The following ZBTB8A variants were observed in gnomAD, a reference collection of about 807,000 sequenced individuals.
ZBTB8A encodes the protein zinc finger and BTB domain containing 8A, also known as zinc finger and BTB domain-containing protein 8A.
In ZBTB8A, 19 loss-of-function variants were observed where a neutral mutation model predicts 37.8. The observed-to-expected ratio is 0.50, with a 90% CI of 0.35 to 0.74. The LOEUF is 0.74. ZBTB8A is among the 30% of genes least tolerant of loss of function. The pLI is 0.01. For synonymous variants in ZBTB8A, 181 were observed against 185.2 expected, an observed-to-expected ratio of 0.98 and a Z score of 0.19; for missense variants, 394 against 537.8, an observed-to-expected ratio of 0.73 and a Z score of 2.65.
Position 32,539,538 on chromosome 1 carries a change from C to G in ZBTB8A, c.-118C>G, listed in dbSNP as rs1208684592. On this transcript the variant is annotated 5_prime_UTR_variant, in exon 1 of 5. Coordinates refer to ENST00000373510, the MANE Select transcript of ZBTB8A (RefSeq NM_001040441.3). Reference sequence around the variant, plus strand: ...GAGAACCAGGAATCTTCCCTCGGCCCGCGCGCGCGACCGGCCGGTGCGCCG... The same window carrying G: ...GAGAACCAGGAATCTTCCCTCGGCCGGCGCGCGCGACCGGCCGGTGCGCCG... 6.6e-6 allele frequency: 1 copy of G among 150,870 alleles called. No homozygotes were observed. Among genetic ancestry groups the G allele is most frequent in the Non-Finnish European group, 1.5e-5 (1 of 67,566 alleles). 9.3% of individuals were successfully genotyped at this position (150,870 alleles called of 1,614,324 possible). A position where few individuals can be genotyped will look rare whatever the true frequency, so the allele number is the denominator to read the frequency against.
At position 32,539,486 on chromosome 1, in the gene ZBTB8A, GCCTCGAAAGGGGGT is replaced by G. The variant is rs1644029565; in HGVS notation, c.-166_-153del. The G allele has an allele frequency of 6.6e-6, 1 of 152,364 alleles. No individual in the cohort carries two copies. The highest frequency in any genetic ancestry group is 2.4e-5 in the African/African-American group (1 of 41,424). 9.4% of individuals were successfully genotyped at this position (152,364 alleles called of 1,614,324 possible). On this transcript the variant is annotated 5_prime_UTR_variant, in exon 1 of 5. Coordinates refer to ENST00000373510, the MANE Select transcript of ZBTB8A (RefSeq NM_001040441.3). Reference sequence around the variant, plus strand: ...ACTTGTTTTAGGGCGCAAAGGAACGGCCTCGAAAGGGGGTCCTTCCCCAGCCGAGAACCAGGAAT... The same window carrying G: ...ACTTGTTTTAGGGCGCAAAGGAACGGCCTTCCCCAGCCGAGAACCAGGAAT...
intron 1 of ZBTB8A, among the ~76,000 whole-genome samples, chr1:32,549,648 T>A (rs1260921693): frequency 1.3e-5 from 2 of 152,176 alleles, no homozygotes; most frequent in East Asian, 3.9e-4. Flanking sequence ...AGGATCCCCT[T>A]GAGCCTAGGA....
At chr1:32,594,208 AG>A (rs1461307130) in intron 3 of ZBTB8A, among the ~76,000 whole-genome samples, 1 of 151,198 alleles carries the variant, frequency 6.6e-6, no homozygotes, top group Admixed American at 6.6e-5. Flanking sequence ...AAACAAAAAA[AG>A]AAGAAATTCA....
At chr1:32,552,134 T>TG (rs1192317446) in intron 1 of ZBTB8A, among the ~76,000 whole-genome samples, 1 of 151,944 alleles carries the variant, frequency 6.6e-6, no homozygotes, top group Admixed American at 6.6e-5. Context: ...GAGGCCGAAG[T>TG]GGGGGGATCG....
chr1:32,562,079 A>G (rs1157262520), intron 2 of ZBTB8A, among the ~76,000 whole-genome samples: 1 of 150,418 alleles, frequency 6.6e-6, no homozygotes, highest in Non-Finnish European at 1.5e-5. Flanking sequence ...CCTCCAAACT[A>G]TAGGAGGCCA....
chr1:32,592,491 T>G (rs1282373629), intron 2 of ZBTB8A, among the ~76,000 whole-genome samples: 2 of 151,558 alleles, frequency 1.3e-5, no homozygotes, highest in African/African-American at 4.8e-5. Flanking sequence ...AGTGAGCTTT[T>G]TTTGTTTGTT....
At chr1:32,550,991 G>A (rs563317913) in intron 1 of ZBTB8A, among the ~76,000 whole-genome samples, 12 of 150,144 alleles carry the variant, frequency 8.0e-5, no homozygotes, top group African/African-American at 1.7e-4. Context: ...AATTACCACC[G>A]TACACACCCA....
chr1:32,565,942 C>T (rs1029687010), intron 2 of ZBTB8A, among the ~76,000 whole-genome samples: 1 of 152,110 alleles, frequency 6.6e-6, no homozygotes, highest in Non-Finnish European at 1.5e-5. Context: ...TGGCTCACGC[C>T]TGTAATCTCA....
intron 2 of ZBTB8A, among the ~76,000 whole-genome samples, chr1:32,555,705 T>C (rs1644196162): frequency 6.6e-6 from 1 of 152,158 alleles, no homozygotes; most frequent in Admixed American, 6.6e-5. Flanking sequence ...CAGATTCTCT[T>C]ACTCCTCTAT....
chr1:32,578,509 G>A (rs868070400), intron 2 of ZBTB8A, among the ~76,000 whole-genome samples: 1 of 151,802 alleles, frequency 6.6e-6, no homozygotes, highest in African/African-American at 2.4e-5. Flanking sequence ...CACCAGGCCC[G>A]GCCCTAATTT....
chr1:32,553,319 C>CA (rs1165312327), intron 1 of ZBTB8A, 140 bp from the exon 2 acceptor site: 1 of 152,208 alleles, frequency 6.6e-6, no homozygotes, highest in Non-Finnish European at 1.5e-5. Context: ...GTTGGCCTCC[C>CA]AGAGTGTTGG....
At chr1:32,583,640 A>G (rs1308379058) in intron 2 of ZBTB8A, among the ~76,000 whole-genome samples, 2 of 152,024 alleles carry the variant, frequency 1.3e-5, no homozygotes, top group Non-Finnish European at 2.9e-5. Flanking sequence ...GCCATTGAAG[A>G]TGTAATTAAA....
chr1:32,557,712 C>A (rs956812514), intron 2 of ZBTB8A, among the ~76,000 whole-genome samples: 1 of 152,134 alleles, frequency 6.6e-6, no homozygotes, highest in East Asian at 1.9e-4. Flanking sequence ...CATCTACCTG[C>A]TTCAGCCTCC....
intron 1 of ZBTB8A, among the ~76,000 whole-genome samples, chr1:32,547,859 C>G (rs1644119236): frequency 7.2e-6 from 1 of 139,492 alleles, no homozygotes; most frequent in African/African-American, 2.7e-5. Flanking sequence ...AAAGACCAGG[C>G]GCAGTGGCTC....
rs1644480277 is a variant in ZBTB8A at position 32,590,498 on chromosome 1, G to A, written c.-1-2433G>A. ...TCTAATAGATCAGAGTTTGGTACTG[G>A]TAAGGACCTAGTCCCTTAGCCATTA... On this transcript the variant is annotated intron_variant, in intron 2 of 4. Transcript: ENST00000373510. Among the ~76,000 whole-genome samples, 3 of 152,276 alleles carry A rather than the reference G, an allele frequency of 2.0e-5. No homozygotes were observed. In the South Asian group the frequency reaches 6.2e-4, roughly 32 times the overall value.
At chr1:32,558,076 AC>A (rs1415500434) in intron 2 of ZBTB8A, among the ~76,000 whole-genome samples, 5 of 152,172 alleles carry the variant, frequency 3.3e-5, no homozygotes, top group South Asian at 2.1e-4. Context: ...TATCACATAC[AC>A]ATATATAACA....
intron 2 of ZBTB8A, among the ~76,000 whole-genome samples, chr1:32,591,253 C>T (rs1033406951): frequency 2.6e-5 from 4 of 151,666 alleles, no homozygotes; most frequent in Non-Finnish European, 4.4e-5. Flanking sequence ...GTGGCCCAGA[C>T]TGGAGTACAG....
chr1:32,595,948 G>A (rs1407049553), intron 4 of ZBTB8A, among the ~76,000 whole-genome samples: 1 of 151,326 alleles, frequency 6.6e-6, no homozygotes, highest in Non-Finnish European at 1.5e-5. Context: ...GTGAGCCACA[G>A]TACCTGGCCC....
At chr1:32,580,387 G>A (rs752317463) in intron 2 of ZBTB8A, among the ~76,000 whole-genome samples, 3 of 151,652 alleles carry the variant, frequency 2.0e-5, no homozygotes, top group East Asian at 1.9e-4. Context: ...GTGAAACTCC[G>A]TCTCTACTAA....
Sources: gnomAD v4.1 joint callset for allele counts (sites outside exome capture counted in the v4.1 genomes callset) on GRCh38, gnomAD v4.1.1 for gene constraint, MANE v1.5 for transcripts, NCBI Gene and HGNC (gene_info 2026-07-23, HGNC 2026-07-21) for gene names.